Variants in RFTN1 observed in about 807,000 individuals in gnomAD.
RFTN1 encodes raftlin, lipid raft linker 1.
In RFTN1, 26 loss-of-function variants were observed where a neutral mutation model predicts 46.5. The observed-to-expected ratio is 0.56, with a 90% CI of 0.41 to 0.78. The LOEUF (loss-of-function observed/expected upper bound fraction) is 0.78, where lower values mean the gene tolerates loss of function less well. Ranked by LOEUF, RFTN1 falls within the 30% of genes least tolerant of loss-of-function variation. The pLI is 0.00. For missense variants in RFTN1, 693 were observed against 718.7 expected (o/e 0.96, Z 0.41); for synonymous variants, 261 against 284.2 (o/e 0.92, Z 0.82).
At chr3:16,362,500 C>G (rs934389341) in intron 6 of RFTN1, among the ~76,000 whole-genome samples, 1 of 152,154 alleles carries the variant, frequency 6.6e-6, no homozygotes, top group Non-Finnish European at 1.5e-5. Context: ...CTCCAGGAGT[C>G]CATCTGGAGC....
intron 2 of RFTN1, among the ~76,000 whole-genome samples, chr3:16,435,359 A>G (rs2075483664): frequency 6.6e-6 from 1 of 152,194 alleles, no homozygotes; most frequent in Admixed American, 6.5e-5. Flanking sequence ...ACTTGAGGTC[A>G]GGAGTTTGAG....
At chr3:16,339,434 C>T (rs1044140270) in intron 7 of RFTN1, 2 of 152,234 alleles carry the variant, frequency 1.3e-5, no homozygotes, top group African/African-American at 4.8e-5. Context: ...ACACATCAGA[C>T]ATCTGGCTGT....
At position 16,345,302 on chromosome 3, in the gene RFTN1, T is replaced by TGTGTGTGTGTGTGTGTG. The variant is rs2071579203; in HGVS notation, c.1146+12629_1146+12630insCACACACACACACACAC. The TGTGTGTGTGTGTGTGTG allele has an allele frequency of 1.0e-5, 1 of 95,514 alleles. No individual in the cohort carries two copies. Among genetic ancestry groups the TGTGTGTGTGTGTGTGTG allele is most frequent in the African/African-American group, 6.4e-5 (1 of 15,696 alleles). The allele number at this position is 95,514 out of a possible 1,614,324, so 5.9% of individuals were successfully genotyped here. On this transcript the variant is annotated intron_variant, in intron 7 of 9. Coordinates refer to ENST00000334133, the MANE Select transcript of RFTN1 (RefSeq NM_015150.2). The surrounding 1 kb of genome is among the most constrained non-coding windows in gnomAD (Gnocchi z 5.2). ...TGTGTGTGTGTGTGTGTGTGTGTGT[T>TGTGTGTGTGTGTGTGTG]TAAAGCTGTTATAGAATTATCTCCC...
At position 16,338,569 on chromosome 3, in the gene RFTN1, TAAC is replaced by T. The variant is rs992744142; in HGVS notation, c.1147-11696_1147-11694del. On this transcript the variant is annotated intron_variant, in intron 7 of 9. Coordinates refer to ENST00000334133, the MANE Select transcript of RFTN1 (RefSeq NM_015150.2). This position sits in a 1 kb window ranked among gnomAD's most constrained non-coding sequence, Gnocchi z 5.3. ...CCAACTTAGAAATAGCTTTGTTTGA[TAAC>T]AATTAAAAAAGAAACATTTTCTCCA... Among the ~76,000 whole-genome samples, 18 of 152,216 alleles carry T rather than the reference TAAC, an allele frequency of 1.2e-4. No individual in the cohort carries two copies. Among genetic ancestry groups the T allele is most frequent in the African/African-American group, 4.3e-4 (18 of 41,460 alleles).
At position 16,433,996 on chromosome 3, in the gene RFTN1, G is replaced by A. The variant is rs370730387; in HGVS notation, c.187C>T (p.Arg63Cys). 7.4e-6 allele frequency: 12 copies of A among 1,612,286 alleles called. No individual in the cohort carries two copies. The East Asian group carries it at 8.9e-5, about 12-fold the overall frequency. ...TCCAGGAGCTGGGCGGGCAGGTCAC[G>A]CAGGGAGGCCAGCCTCACTGCTGAG... ...GSSAVRLASL[R>C]DLPAQLLELY... The change falls in exon 3 of 10, where the codon CGT (arginine) becomes TGT (cysteine). Residue 63 changes from arginine to cysteine, a missense_variant. Physicochemically the swap from Arg to Cys is radical, Grantham distance 180. Transcript: ENST00000334133. The surrounding 1 kb of genome is among the most constrained non-coding windows in gnomAD (Gnocchi z 4.4).
At position 16,473,407 on chromosome 3, in the gene RFTN1, T is replaced by C. The variant is rs1040816055; in HGVS notation, c.145+20318A>G. 2.0e-5 allele frequency among the ~76,000 whole-genome samples: 3 copies of C among 151,936 alleles called. No homozygotes were observed. The highest frequency in any genetic ancestry group is 3.9e-4 in the East Asian group (2 of 5,192). On this transcript the variant is annotated intron_variant, in intron 2 of 9. Coordinates refer to ENST00000334133, the MANE Select transcript of RFTN1 (RefSeq NM_015150.2). This position sits in a 1 kb window ranked among gnomAD's most constrained non-coding sequence, Gnocchi z 5.3. ...CTCTGTTTTCTTTCTTTTTTCTTTT[T>C]TTTTTTTTCCTGAGATAGAGTCTGG...
chr3:16,358,016 G>T lies in RFTN1; in HGVS notation c.1062C>A (p.Phe354Leu), dbSNP rs2072560844. The T allele has an allele frequency of 7.1e-7, 1 of 1,412,834 alleles. No homozygotes were observed. The highest frequency in any genetic ancestry group is 9.5e-7 in the Non-Finnish European group (1 of 1,050,356). 87.5% of individuals were successfully genotyped at this position (1,412,834 alleles called of 1,614,324 possible). A position where few individuals can be genotyped will look rare whatever the true frequency, so the allele number is the denominator to read the frequency against. The change falls in exon 7 of 10, where the codon TTC becomes TTA. Residue 354 changes from phenylalanine to leucine, a missense_variant. Phe to Leu is a conservative substitution (Grantham distance 22). Transcript: ENST00000334133. The stretch of plus-strand genomic sequence containing the variant: ...CTTCTGTGGAAACAGCTTCAAAGAT[G>T]AATACTCCATCTGTCAAGCCATGTA... ...DSLHGLTDGV[F>L]IFEAVSTEDS...
rs536411609 is a variant in RFTN1 at position 16,410,050 on chromosome 3, T to G, written c.333-567A>C. ...GTCTTTAATGAAGCCCCAGATTCTT[T>G]CCCGAAAGTAACGTCAAAAAGGCAC... On this transcript the variant is annotated intron_variant, in intron 3 of 9. Coordinates refer to ENST00000334133, the MANE Select transcript of RFTN1 (RefSeq NM_015150.2). This position sits in a 1 kb window ranked among gnomAD's most constrained non-coding sequence, Gnocchi z 4.6. 4.3e-4 allele frequency among the ~76,000 whole-genome samples: 65 copies of G among 151,958 alleles called. 1 individual carries two copies. In the South Asian group the frequency reaches 0.013, roughly 30 times the overall value.
chr3:16,386,915 G>C (rs1165390586), intron 4 of RFTN1, among the ~76,000 whole-genome samples: 1 of 152,208 alleles, frequency 6.6e-6, no homozygotes, highest in African/African-American at 2.4e-5. Context: ...AGCAGTCTGT[G>C]ACACACCATG....
intron 3 of RFTN1, among the ~76,000 whole-genome samples, chr3:16,417,013 T>C (rs796645183): frequency 3.4e-5 from 5 of 146,164 alleles, no homozygotes; most frequent in African/African-American, 1.3e-4. Context: ...CTTTTTCTTT[T>C]TTTTTTTTTT....
rs1263574552 is a variant in RFTN1, at chr3:16,449,032, G to A, written c.146-14995C>T. Among the ~76,000 whole-genome samples, 1 of 152,202 alleles carries A rather than the reference G, an allele frequency of 6.6e-6. No homozygotes were observed. Among genetic ancestry groups the A allele is most frequent in the Admixed American group, 6.5e-5 (1 of 15,280 alleles). ...TCACACACTTAATAAATGCATCCGT[G>A]TGGTATTAATGTTTCAACTTAACAT... On this transcript the variant is annotated intron_variant, in intron 2 of 9. Transcript: ENST00000334133. The surrounding 1 kb of genome is among the most constrained non-coding windows in gnomAD (Gnocchi z 5.1).
intron 2 of RFTN1, among the ~76,000 whole-genome samples, chr3:16,487,252 A>T (rs1183802022): frequency 6.6e-6 from 1 of 152,244 alleles, no homozygotes; most frequent in East Asian, 1.9e-4. Flanking sequence ...ATCTGGCCCA[A>T]GGTTGACCTT....
intron 7 of RFTN1, among the ~76,000 whole-genome samples, chr3:16,331,345 C>G (rs376750893): frequency 2.6e-5 from 4 of 152,270 alleles, no homozygotes; most frequent in African/African-American, 9.6e-5. Flanking sequence ...TTTAGTGCTC[C>G]CATAAACATT....
chr3:16,480,625 A>C lies in RFTN1; in HGVS notation c.145+13100T>G, dbSNP rs1168896456. 6.6e-6 allele frequency among the ~76,000 whole-genome samples: 1 copy of C among 152,236 alleles called. No individual in the cohort carries two copies. The highest frequency in any genetic ancestry group is 1.5e-5 in the Non-Finnish European group (1 of 68,048). On this transcript the variant is annotated intron_variant, in intron 2 of 9. Transcript: ENST00000334133. The surrounding 1 kb of genome is among the most constrained non-coding windows in gnomAD (Gnocchi z 4.3). ...CCTTTTCACACCAGATTTGCTTTTG[A>C]AAATATTTCGTAGATAAAATTCAAC...
intron 6 of RFTN1, among the ~76,000 whole-genome samples, chr3:16,368,636 A>AC (rs767308004): frequency 9.8e-4 from 143 of 145,334 alleles, no homozygotes; most frequent in Middle Eastern, 3.6e-3. Context: ...GCGCCACTGC[A>AC]TTCCAGCACT....
chr3:16,326,045 C>T (rs2069656389), intron 8 of RFTN1, among the ~76,000 whole-genome samples: 3 of 152,232 alleles, frequency 2.0e-5, no homozygotes, highest in African/African-American at 7.2e-5. Context: ...GTGACCAAGC[C>T]TCCCCTAGCC....
intron 2 of RFTN1, among the ~76,000 whole-genome samples, chr3:16,470,249 CAT>C (rs371426602): frequency 2.6e-4 from 40 of 152,176 alleles, no homozygotes; most frequent in African/African-American, 5.3e-4. Flanking sequence ...CACACACACA[CAT>C]ACAGACATAA....
Position 16,512,855 on chromosome 3 carries a change from GCGCTTC to G in RFTN1, c.-9+581_-9+586del, listed in dbSNP as rs2125021275. On this transcript the variant is annotated intron_variant, in intron 1 of 9. Transcript: ENST00000334133. This position sits in a 1 kb window ranked among gnomAD's most constrained non-coding sequence, Gnocchi z 4.3. ...CGTCCCTGTGCTTCTGGTGGTTCCG[GCGCTTC>G]CTCGGAGCGCGCGGCATGTCTGCTC... The G allele has an allele frequency of 6.6e-6, 1 of 152,278 alleles. No individual in the cohort carries two copies. Among genetic ancestry groups the G allele is most frequent in the African/African-American group, 2.4e-5 (1 of 41,502 alleles). 9.4% of individuals were successfully genotyped at this position (152,278 alleles called of 1,614,324 possible).
Position 16,475,254 on chromosome 3 carries a change from T to C in RFTN1, c.145+18471A>G, listed in dbSNP as rs148919649. ...GGAATCATAATCCAAATAAACTTTT[T>C]TTCTTTATAAATTGCCCAGTTTCAA... On this transcript the variant is annotated intron_variant, in intron 2 of 9. Coordinates refer to ENST00000334133, the MANE Select transcript of RFTN1 (RefSeq NM_015150.2). This position sits in a 1 kb window ranked among gnomAD's most constrained non-coding sequence, Gnocchi z 4.2. 8.8e-4 allele frequency among the ~76,000 whole-genome samples: 134 copies of C among 152,332 alleles called. No homozygotes were observed. Among genetic ancestry groups the C allele is most frequent in the Non-Finnish European group, 1.7e-3 (114 of 68,032 alleles).
Sources: allele counts gnomAD v4.1 joint callset (sites outside exome capture counted in the v4.1 genomes callset), GRCh38; gene constraint gnomAD v4.1.1; non-coding constraint Gnocchi (gnomAD v3.1); transcripts MANE v1.5; gene names NCBI Gene and HGNC (gene_info 2026-07-23, HGNC 2026-07-21).